Variants in NME7 observed in about 807,000 individuals in gnomAD.
NME7 encodes the protein NME/NM23 family member 7, also known as nucleoside diphosphate kinase 7.
Under a neutral mutation model 49.1 loss-of-function variants are expected in NME7, and 41 were observed. The ratio of observed to expected loss-of-function variants is 0.83; its 90% CI spans 0.65 to 1.08. NME7 has a LOEUF of 1.08. Ranked by LOEUF, NME7 falls within the 50% of genes least tolerant of loss-of-function variation. The probability of loss-of-function intolerance (pLI) is 0.00; values close to 1 mark genes in which losing one functional copy is unlikely to be tolerated. For missense variants in NME7, 423 were observed against 463.4 expected (o/e 0.91, Z 0.80); for synonymous variants, 139 against 150.6 (o/e 0.92, Z 0.56).
At chr1:169,156,193 G>T (rs973994997) in intron 11 of NME7, among the ~76,000 whole-genome samples, 4 of 151,820 alleles carry the variant, frequency 2.6e-5, no homozygotes, top group African/African-American at 9.7e-5. Context: ...CATGCCTGTG[G>T]TCCTAGCTGC....
At chr1:169,284,166 A>C (rs960362300) in intron 7 of NME7, 2 of 151,688 alleles carry the variant, frequency 1.3e-5, no homozygotes, top group African/African-American at 4.8e-5. Flanking sequence ...TTTTTCTCTA[A>C]TCTGGTCTTC....
At chr1:169,286,064 T>C (rs902128645) in intron 7 of NME7, 6 of 152,120 alleles carry the variant, frequency 3.9e-5, no homozygotes, top group African/African-American at 1.4e-4. Context: ...TATTAAAGAA[T>C]CTATTAAAAT....
intron 7 of NME7, among the ~76,000 whole-genome samples, chr1:169,259,266 G>A (rs1338354180): frequency 7.6e-6 from 1 of 131,884 alleles, no homozygotes; most frequent in Non-Finnish European, 1.8e-5. Context: ...TTCTCTTAGG[G>A]GAGACACCTA....
chr1:169,215,888 T>A (rs778079955), intron 10 of NME7, among the ~76,000 whole-genome samples: 3 of 152,182 alleles, frequency 2.0e-5, no homozygotes, highest in Non-Finnish European at 4.4e-5. Context: ...ATGTGTGCAA[T>A]CTAAACAAGT....
chr1:169,337,284 G>T (rs1203970355), intron 1 of NME7, among the ~76,000 whole-genome samples: 1 of 152,142 alleles, frequency 6.6e-6, no homozygotes, highest in Non-Finnish European at 1.5e-5. Flanking sequence ...TGGCACTGCT[G>T]GGGGACCCAG....
intron 1 of NME7, among the ~76,000 whole-genome samples, chr1:169,367,174 G>C (rs1653901279): frequency 6.6e-6 from 1 of 151,854 alleles, no homozygotes; most frequent in Non-Finnish European, 1.5e-5. Context: ...GAAAAGAAAA[G>C]AGAAAAGAAA....
At chr1:169,281,273 G>C (rs1202254251) in intron 7 of NME7, among the ~76,000 whole-genome samples, 1 of 152,154 alleles carries the variant, frequency 6.6e-6, no homozygotes, top group Non-Finnish European at 1.5e-5. Flanking sequence ...TGGTGTGTAA[G>C]AATGCTTGTA....
rs1176686142 is a variant in NME7 at position 169,169,472 on chromosome 1, T to A, written c.1073A>T (p.Asp358Val). The A allele has an allele frequency of 6.2e-7, 1 of 1,613,970 alleles. No individual in the cohort carries two copies. The highest frequency in any genetic ancestry group is 1.1e-5 in the South Asian group (1 of 91,058). The change falls in exon 11 of 12, where the codon GAT becomes GTT. Residue 358 changes from aspartate (D) to valine (V), a missense_variant. Coordinates refer to ENST00000367811, the MANE Select transcript of NME7 (RefSeq NM_013330.5). The stretch of plus-strand genomic sequence containing the variant: ...CTCTAATAGGCCATCCTCTGGCAGA[T>A]CAGTACAGTGAACAGCATTCTGGAT... ...TKIQNAVHCT[D>V]LPEDGLLEVQ...
chr1:169,350,883 TG>T (rs1265946923), intron 1 of NME7, among the ~76,000 whole-genome samples: 2 of 152,204 alleles, frequency 1.3e-5, no homozygotes, highest in Admixed American at 1.3e-4. Context: ...AGAAGACATG[TG>T]GGCCTTTCAG....
intron 10 of NME7, among the ~76,000 whole-genome samples, chr1:169,200,378 C>T (rs1571285543): frequency 1.3e-5 from 2 of 152,186 alleles, no homozygotes; most frequent in East Asian, 3.9e-4. Context: ...TTTAGAATTG[C>T]TTGGAGCATA....
chr1:169,260,934 T>C lies in NME7; in HGVS notation c.755-23247A>G, dbSNP rs1361460669. 1.5e-5 allele frequency among the ~76,000 whole-genome samples: 2 copies of C among 133,682 alleles called. 1 individual carries two copies. Among genetic ancestry groups the C allele is most frequent in the Non-Finnish European group, 3.5e-5 (2 of 56,786 alleles). 87.7% of individuals were successfully genotyped at this position (133,682 alleles called of 152,430 possible). On this transcript the variant is annotated intron_variant, in intron 7 of 11. Coordinates refer to ENST00000367811, the MANE Select transcript of NME7 (RefSeq NM_013330.5). ...AAATTCTGCATAAAGCTTACATTAA[T>C]GTTGTTCTTCCTAGAAGTATCTGTG...
intron 3 of NME7, among the ~76,000 whole-genome samples, chr1:169,321,424 A>G (rs1022210536): frequency 6.6e-6 from 1 of 152,248 alleles, no homozygotes; most frequent in Non-Finnish European, 1.5e-5. Context: ...AGTGCATATC[A>G]TAGTGTCTGG....
intron 5 of NME7, 191 bp downstream of exon 5, chr1:169,302,954 T>G (rs1170040388): frequency 1.3e-5 from 5 of 374,440 alleles, no homozygotes; most frequent in Non-Finnish European, 1.9e-5. Context: ...AGATTTTTAA[T>G]GATAAAATAT....
chr1:169,229,060 C>G (rs551049539), intron 10 of NME7, among the ~76,000 whole-genome samples: 1 of 152,300 alleles, frequency 6.6e-6, no homozygotes, highest in East Asian at 1.9e-4. Context: ...GACCTAGTTG[C>G]ATCAAAGTAA....
intron 11 of NME7, among the ~76,000 whole-genome samples, chr1:169,161,427 C>G (rs1018050995): frequency 1.3e-5 from 2 of 152,182 alleles, no homozygotes; most frequent in Non-Finnish European, 2.9e-5. Flanking sequence ...GAAATTGGGG[C>G]CTGTCCAATC....
At chr1:169,155,132 C>T (rs1448313242) in intron 11 of NME7, among the ~76,000 whole-genome samples, 2 of 152,226 alleles carry the variant, frequency 1.3e-5, no homozygotes, top group East Asian at 1.9e-4. Flanking sequence ...AATCACCACT[C>T]GCAGGACTCA....
In NME7 at chr1:169,341,332, C is replaced by T. The variant is rs192526940; in HGVS notation, c.4-16832G>A. Among the ~76,000 whole-genome samples the T allele has an allele frequency of 2.3e-3, 349 of 152,306 alleles. 3 individuals are homozygous for T. Among genetic ancestry groups the T allele is most frequent in the African/African-American group, 3.9e-3 (164 of 41,572 alleles). On this transcript the variant is annotated intron_variant, in intron 1 of 11. Transcript: ENST00000367811. ...ACACATGGTGTTGGGATTGCAGGTACGCAGAAGACAAGAGCTGAGCTTTGG... is the reference window on the plus strand; with the variant it reads ...ACACATGGTGTTGGGATTGCAGGTATGCAGAAGACAAGAGCTGAGCTTTGG...
chr1:169,346,451 C>T (rs916841712), intron 1 of NME7, among the ~76,000 whole-genome samples: 1 of 152,082 alleles, frequency 6.6e-6, no homozygotes, highest in Non-Finnish European at 1.5e-5. Flanking sequence ...ATACTTTTTC[C>T]CCAATATTTA....
chr1:169,324,015 G>A (rs1415000219), intron 2 of NME7, among the ~76,000 whole-genome samples: 2 of 151,262 alleles, frequency 1.3e-5, no homozygotes, highest in Admixed American at 6.6e-5. Flanking sequence ...CACCACACCC[G>A]GCTAATTTTT....
Sources: gnomAD v4.1 joint callset for allele counts (sites outside exome capture counted in the v4.1 genomes callset) on GRCh38, gnomAD v4.1.1 for gene constraint, MANE v1.5 for transcripts, NCBI Gene and HGNC (gene_info 2026-07-23, HGNC 2026-07-21) for gene names.